Variants in VPS26A observed in about 807,000 individuals in gnomAD.
The protein encoded by VPS26A is vacuolar protein sorting-associated protein 26A.
VPS26A carries 22 observed loss-of-function variants against 42.4 expected under a neutral mutation model. The ratio of observed to expected loss-of-function variants is 0.52; its 90% CI spans 0.37 to 0.74. The LOEUF (loss-of-function observed/expected upper bound fraction) is 0.74. Among genes scored for constraint, VPS26A ranks in the 30% least tolerant of loss-of-function variants. VPS26A has a pLI of 0.00. For synonymous variants in VPS26A, 110 were observed against 123.5 expected (o/e 0.89, Z 0.73); for missense variants, 276 against 379.2 (o/e 0.73, Z 2.26).
chr10:69,140,266 G>A (rs1589349494), intron 2 of VPS26A, among the ~76,000 whole-genome samples: 1 of 151,986 alleles, frequency 6.6e-6, no homozygotes, highest in Non-Finnish European at 1.5e-5. Context: ...TAGAGACAGG[G>A]TCTTGCTATG....
intron 1 of VPS26A, among the ~76,000 whole-genome samples, chr10:69,132,214 TAAAG>T (rs1383279669): frequency 6.6e-6 from 1 of 152,286 alleles, no homozygotes; most frequent in South Asian, 2.1e-4. Flanking sequence ...AAAGTATAAA[TAAAG>T]GTAATTTTTC....
intron 2 of VPS26A, among the ~76,000 whole-genome samples, chr10:69,144,728 C>A (rs1410854674): frequency 6.6e-6 from 1 of 151,070 alleles, no homozygotes; most frequent in Non-Finnish European, 1.5e-5. Context: ...ATCTAGTTGA[C>A]TCTTTTTCTC....
chr10:69,145,128 C>T (rs370065598), intron 2 of VPS26A, among the ~76,000 whole-genome samples: 7 of 151,920 alleles, frequency 4.6e-5, no homozygotes, highest in South Asian at 2.1e-4. Flanking sequence ...CTCCGCGTCC[C>T]GGGTTCAAGC....
intron 2 of VPS26A, chr10:69,133,484 C>A: frequency 9.4e-7 from 1 of 1,060,024 alleles, no homozygotes; most frequent in Non-Finnish European, 1.2e-6. Context: ...TTCTTTGTAA[C>A]TTACCTCTCT....
intron 3 of VPS26A, among the ~76,000 whole-genome samples, chr10:69,156,541 A>G (rs1008372048): frequency 3.7e-4 from 57 of 152,266 alleles, no homozygotes; most frequent in South Asian, 2.1e-4. Context: ...ATGGGTAGAT[A>G]TTTATATATC....
At chr10:69,161,756 C>T in intron 5 of VPS26A, 1 of 356,164 alleles carries the variant, frequency 2.8e-6, no homozygotes, top group South Asian at 2.6e-5. Context: ...GATGCAAGCA[C>T]ACAAAGATGA....
At chr10:69,136,269 C>CTTTTT (rs758313238) in intron 2 of VPS26A, among the ~76,000 whole-genome samples, 2 of 142,170 alleles carry the variant, frequency 1.4e-5, no homozygotes, top group South Asian at 2.2e-4. Flanking sequence ...CTTTTCTTTT[C>CTTTTT]TTTTTTTTTT....
At chr10:69,168,369 TTA>T (rs1841740204) in intron 7 of VPS26A, 118 bp from the exon 8 acceptor site, 1 of 1,119,738 alleles carries the variant, frequency 8.9e-7, no homozygotes, top group Non-Finnish European at 1.3e-6. Context: ...CTGGTCTTTG[TTA>T]TTTTGCATCT....
At chr10:69,161,921 C>A in intron 5 of VPS26A, 1 of 213,282 alleles carries the variant, frequency 4.7e-6, no homozygotes. Flanking sequence ...GTGAGTGAAA[C>A]TGAATCTTGA....
intron 2 of VPS26A, among the ~76,000 whole-genome samples, chr10:69,137,277 A>G (rs1462932347): frequency 6.6e-6 from 1 of 152,214 alleles, no homozygotes; most frequent in Non-Finnish European, 1.5e-5. Context: ...GCAACCTAAA[A>G]TAACAAATTT....
intron 2 of VPS26A, among the ~76,000 whole-genome samples, chr10:69,139,901 C>T (rs1268897262): frequency 6.6e-6 from 1 of 152,006 alleles, no homozygotes; most frequent in African/African-American, 2.4e-5. Flanking sequence ...TGTATTGTAT[C>T]ATTTTCTTAA....
intron 2 of VPS26A, among the ~76,000 whole-genome samples, chr10:69,135,475 G>A (rs1016054415): frequency 6.6e-6 from 1 of 152,198 alleles, no homozygotes. Flanking sequence ...GGGTGTGGTG[G>A]CTCATGCCTG....
At chr10:69,160,563 T>G (rs1841537321) in intron 5 of VPS26A, among the ~76,000 whole-genome samples, 2 of 152,024 alleles carry the variant, frequency 1.3e-5, no homozygotes, top group Non-Finnish European at 2.9e-5. Flanking sequence ...GCAATTCTCC[T>G]GCCTCAGCCT....
intron 2 of VPS26A, among the ~76,000 whole-genome samples, chr10:69,144,486 A>C (rs926182418): frequency 3.9e-5 from 6 of 152,150 alleles, no homozygotes; most frequent in Non-Finnish European, 7.4e-5. Flanking sequence ...TTTACTGTCT[A>C]TAATTTTGTC....
chr10:69,170,612 G>A (rs758848124), intron 8 of VPS26A, among the ~76,000 whole-genome samples: 8 of 152,172 alleles, frequency 5.3e-5, no homozygotes, highest in Non-Finnish European at 7.4e-5. Flanking sequence ...CCATTTGGCC[G>A]ATGGGGGAAA....
chr10:69,134,030 G>A (rs1288179277), intron 2 of VPS26A, among the ~76,000 whole-genome samples: 1 of 151,932 alleles, frequency 6.6e-6, no homozygotes, highest in Non-Finnish European at 1.5e-5. Context: ...ACTTATTAGT[G>A]GTCAGTGATA....
At chr10:69,167,690 C>T (rs997510813) in intron 7 of VPS26A, among the ~76,000 whole-genome samples, 15 of 148,850 alleles carry the variant, frequency 1.0e-4, no homozygotes, top group Non-Finnish European at 4.4e-5. Flanking sequence ...TTGCACTGAC[C>T]CGAGATCGCA....
intron 2 of VPS26A, among the ~76,000 whole-genome samples, chr10:69,139,899 A>G (rs1201765972): frequency 6.6e-6 from 1 of 152,010 alleles, no homozygotes; most frequent in East Asian, 1.9e-4. Context: ...CATGTATTGT[A>G]TCATTTTCTT....
chr10:69,153,257 C>CA (rs1462658109), intron 2 of VPS26A, among the ~76,000 whole-genome samples: 5 of 151,872 alleles, frequency 3.3e-5, no homozygotes, highest in African/African-American at 1.2e-4. Flanking sequence ...ACCATGTTGG[C>CA]CAGGCTGGTC....
Sources: gnomAD v4.1 joint callset for allele counts (sites outside exome capture counted in the v4.1 genomes callset) on GRCh38, gnomAD v4.1.1 for gene constraint, MANE v1.5 for transcripts, NCBI Gene and HGNC (gene_info 2026-07-23, HGNC 2026-07-21) for gene names.